MAP3K20: variants seen among roughly 807,000 people sequenced by gnomAD.
MAP3K20 encodes the protein mitogen-activated protein kinase kinase kinase 20, also known as HCCS-4.
MAP3K20 carries 40 observed loss-of-function variants against 85.7 expected under a neutral mutation model. The observed-to-expected ratio is 0.47, with a 90% CI of 0.36 to 0.61. The LOEUF (loss-of-function observed/expected upper bound fraction) is 0.61, where lower values mean the gene tolerates loss of function less well. Ranked by LOEUF, MAP3K20 falls within the 20% of genes least tolerant of loss-of-function variation. The pLI is 0.00. For missense variants in MAP3K20, 817 were observed against 961.7 expected (o/e 0.85, Z 1.99); for synonymous variants, 325 against 327.7 (o/e 0.99, Z 0.09).
chr2:173,244,015 G>A (rs1454932874), intron 16 of MAP3K20, among the ~76,000 whole-genome samples: 1 of 152,220 alleles, frequency 6.6e-6, no homozygotes, highest in Non-Finnish European at 1.5e-5. Context: ...AGATCTGTGA[G>A]TGGGCAGCGC....
intron 10 of MAP3K20, chr2:173,210,555 T>G (rs888888871): frequency 6.6e-6 from 1 of 152,226 alleles, no homozygotes; most frequent in Non-Finnish European, 1.5e-5. Flanking sequence ...GAAAACTTGA[T>G]ATCATAAATC....
rs151102554 is a variant in MAP3K20 at position 173,085,144 on chromosome 2, G to A, written c.-34-5854G>A. On this transcript the variant is annotated intron_variant, in intron 1 of 19. Coordinates refer to ENST00000375213, the MANE Select transcript of MAP3K20 (RefSeq NM_016653.3). The stretch of plus-strand genomic sequence containing the variant: ...GAAAAAGTGATTTGTTAAAGTTACC[G>A]AGAGGTGGAGGGAGAGTTCAAACTC... 7.0e-3 allele frequency among the ~76,000 whole-genome samples: 1,061 copies of A among 152,268 alleles called. 6 individuals are homozygous for A. The highest frequency in any genetic ancestry group is 0.011 in the Non-Finnish European group (778 of 68,006).
chr2:173,215,962 C>G (rs1354968677), intron 10 of MAP3K20: 1 of 152,226 alleles, frequency 6.6e-6, no homozygotes, highest in Non-Finnish European at 1.5e-5. Context: ...CTCAGTGGCA[C>G]CTGGAAGCAG....
chr2:173,266,110 T>C lies in MAP3K20; in HGVS notation c.1763T>C (p.Leu588Ser). ...CGGCAGATTGCATCCAACACTTCTT[T>C]ACAGCGTTCCCAGAGCAATCCTATT... The part of the protein sequence containing the change: ...RMRQIASNTS[L>S]QRSQSNPILG... Residue 588 changes from leucine to serine, a missense_variant, in exon 20 of 20, where the codon TTA becomes TCA. Coordinates refer to ENST00000375213, the MANE Select transcript of MAP3K20 (RefSeq NM_016653.3). 2 of 1,609,264 alleles carry C rather than the reference T, an allele frequency of 1.2e-6. No individual in the cohort carries two copies. Among genetic ancestry groups the C allele is most frequent in the Non-Finnish European group, 1.7e-6 (2 of 1,177,692 alleles).
intron 2 of MAP3K20, among the ~76,000 whole-genome samples, chr2:173,108,410 C>T (rs888229177): frequency 1.3e-5 from 2 of 152,216 alleles, no homozygotes; most frequent in Admixed American, 6.5e-5. Flanking sequence ...GGATTATAGG[C>T]GTGAGCCACC....
intron 2 of MAP3K20, among the ~76,000 whole-genome samples, chr2:173,116,353 G>A (rs545749251): frequency 1.3e-5 from 2 of 152,232 alleles, no homozygotes; most frequent in African/African-American, 4.8e-5. Context: ...TCACCACAAT[G>A]TGCAATAGAT....
chr2:173,172,350 A>C (rs917260665), intron 3 of MAP3K20, among the ~76,000 whole-genome samples: 11 of 151,958 alleles, frequency 7.2e-5, no homozygotes, highest in Non-Finnish European at 1.3e-4. Flanking sequence ...TTTTAATAGA[A>C]AAGGTTGTTG....
intron 14 of MAP3K20, among the ~76,000 whole-genome samples, chr2:173,237,539 ACT>A (rs1684682585): frequency 6.6e-6 from 1 of 151,848 alleles, no homozygotes; most frequent in African/African-American, 2.4e-5. Flanking sequence ...GTACTTTTTT[ACT>A]CTCTCTGCAA....
intron 16 of MAP3K20, among the ~76,000 whole-genome samples, chr2:173,253,103 G>A (rs1685079030): frequency 6.6e-6 from 1 of 152,038 alleles, no homozygotes; most frequent in African/African-American, 2.4e-5. Flanking sequence ...GAGACGCGCT[G>A]ACCCAGCCTG....
chr2:173,112,662 A>G (rs1465428047), intron 2 of MAP3K20, among the ~76,000 whole-genome samples: 1 of 152,154 alleles, frequency 6.6e-6, no homozygotes, highest in Non-Finnish European at 1.5e-5. Flanking sequence ...TTCTGCATCT[A>G]TTGAAACGAC....
chr2:173,228,248 G>C (rs990404662), intron 11 of MAP3K20, among the ~76,000 whole-genome samples: 2 of 151,654 alleles, frequency 1.3e-5, no homozygotes, highest in African/African-American at 4.9e-5. Context: ...TTCCCACCCT[G>C]TCTGCCTCAT....
At chr2:173,078,348 T>C (rs1045741844) in intron 1 of MAP3K20, among the ~76,000 whole-genome samples, 11 of 152,216 alleles carry the variant, frequency 7.2e-5, no homozygotes, top group Non-Finnish European at 4.4e-5. Context: ...CCAGGACAGA[T>C]TGACAGGGTG....
chr2:173,254,668 G>A (rs1271965014), intron 16 of MAP3K20, among the ~76,000 whole-genome samples: 2 of 152,176 alleles, frequency 1.3e-5, no homozygotes, highest in Non-Finnish European at 2.9e-5. Flanking sequence ...CTCAATGTCT[G>A]CAGTGTGTCC....
chr2:173,158,200 T>C (rs1035832640), intron 2 of MAP3K20, among the ~76,000 whole-genome samples: 2 of 152,228 alleles, frequency 1.3e-5, no homozygotes, highest in Admixed American at 1.3e-4. Flanking sequence ...AGGAAGTTTT[T>C]GGCCTAGCTC....
intron 2 of MAP3K20, among the ~76,000 whole-genome samples, chr2:173,165,239 T>C (rs139571175): frequency 0.012 from 1,764 of 151,032 alleles, 21 homozygotes; most frequent in Middle Eastern, 0.02. Flanking sequence ...TGAAACCCTG[T>C]CTCTACTGAA....
At position 173,142,458 on chromosome 2, in the gene MAP3K20, C is replaced by T. The variant is rs550388595; in HGVS notation, c.160-27347C>T. Among the ~76,000 whole-genome samples, 379 of 148,186 alleles carry T rather than the reference C, an allele frequency of 2.6e-3. 3 individuals are homozygous for T. The highest frequency in any genetic ancestry group is 9.0e-3 in the African/African-American group (362 of 40,062). ...CTGCACTCCAGCCTGGGCAACAGAG[C>T]GAGACTCCGTCTCAAAAAAAAAAAA... On this transcript the variant is annotated intron_variant, in intron 2 of 19. Coordinates refer to ENST00000375213, the MANE Select transcript of MAP3K20 (RefSeq NM_016653.3).
At chr2:173,193,008 G>C (rs1228224291) in intron 7 of MAP3K20, 1 of 152,086 alleles carries the variant, frequency 6.6e-6, no homozygotes, top group Non-Finnish European at 1.5e-5. Flanking sequence ...CATCAAACAT[G>C]AAAAAGCCAC....
intron 1 of MAP3K20, among the ~76,000 whole-genome samples, chr2:173,077,648 T>TA (rs369630593): frequency 1.3e-3 from 196 of 152,256 alleles, no homozygotes; most frequent in African/African-American, 4.4e-3. Flanking sequence ...ATTGTTTAAA[T>TA]AAAAAAATTT....
chr2:173,099,498 C>CT (rs1217232457), intron 2 of MAP3K20, among the ~76,000 whole-genome samples: 3 of 151,854 alleles, frequency 2.0e-5, no homozygotes, highest in African/African-American at 4.8e-5. Context: ...TTTATTTTGT[C>CT]TTTTTTTATT....
Sources: allele counts gnomAD v4.1 joint callset (sites outside exome capture counted in the v4.1 genomes callset), GRCh38; gene constraint gnomAD v4.1.1; transcripts MANE v1.5; gene names NCBI Gene and HGNC (gene_info 2026-07-23, HGNC 2026-07-21).